The following ZCCHC10 variants were observed in gnomAD, a reference collection of about 807,000 sequenced individuals.
ZCCHC10 encodes the protein zinc finger CCHC domain-containing protein 10.
Under a neutral mutation model 19.5 loss-of-function variants are expected in ZCCHC10, and 16 were observed. That is an observed-to-expected ratio of 0.82 (90% CI 0.56 to 1.25). ZCCHC10 has a LOEUF of 1.25. Ranked by LOEUF, ZCCHC10 falls within the 50% of genes most tolerant of loss-of-function variation. The pLI is 0.00. For missense variants in ZCCHC10, 197 were observed against 201.0 expected (o/e 0.98, Z 0.12); for synonymous variants, 67 against 72.5 (o/e 0.92, Z 0.38).
Position 132,998,261 on chromosome 5 carries a change from T to C in ZCCHC10, c.*322A>G, listed in dbSNP as rs1762543964. ...TGAAAATATGTCTGATACATACCAC[T>C]AACATATATAACAAAGTATGGCATT... On this transcript the variant is annotated 3_prime_UTR_variant, in exon 5 of 5. Coordinates refer to ENST00000509437, the MANE Select transcript of ZCCHC10 (RefSeq NM_001300816.3). 1 of 248,634 alleles carries C rather than the reference T, an allele frequency of 4.0e-6. No individual in the cohort carries two copies. Among genetic ancestry groups the C allele is most frequent in the Non-Finnish European group, 7.9e-6 (1 of 126,448 alleles). The allele number at this position is 248,634 out of a possible 1,614,324, so 15.4% of individuals were successfully genotyped here.
intron 1 of ZCCHC10, 114 bp downstream of exon 1, chr5:133,026,383 T>G: frequency 7.0e-7 from 1 of 1,430,784 alleles, no homozygotes; most frequent in African/African-American, 1.4e-5. Context: ...GCCAGAAGAG[T>G]GTTTGAGAAA....
chr5:133,010,134 T>C (rs1162759135), intron 2 of ZCCHC10, among the ~76,000 whole-genome samples: 1 of 150,662 alleles, frequency 6.6e-6, no homozygotes, highest in Non-Finnish European at 1.5e-5. Flanking sequence ...CTGCAGCCTC[T>C]GCCCCCCAGG....
chr5:132,999,240 A>AT (rs369499940), intron 4 of ZCCHC10, among the ~76,000 whole-genome samples: 91 of 152,236 alleles, frequency 6.0e-4, no homozygotes, highest in African/African-American at 2.0e-3. Context: ...ATTTCATATG[A>AT]TTCCATATAT....
At chr5:133,004,066 T>C (rs1173608946) in intron 3 of ZCCHC10, among the ~76,000 whole-genome samples, 2 of 152,318 alleles carry the variant, frequency 1.3e-5, no homozygotes, top group Non-Finnish European at 2.9e-5. Flanking sequence ...TATAAATAAA[T>C]ATTTCTTCAT....
chr5:133,000,281 T>G, intron 3 of ZCCHC10, 108 bp from the exon 4 acceptor site: 1 of 1,280,544 alleles, frequency 7.8e-7, no homozygotes, highest in Non-Finnish European at 1.1e-6. Flanking sequence ...AGAAAGATTC[T>G]GTGTTTTTAT....
intron 3 of ZCCHC10, among the ~76,000 whole-genome samples, chr5:133,005,978 C>CTTTT (rs760600232): frequency 2.4e-4 from 23 of 97,774 alleles, no homozygotes; most frequent in Non-Finnish European, 3.4e-4. Context: ...GAAGATGCTG[C>CTTTT]TTTTTTTTTT....
chr5:133,020,622 T>TC (rs1764240682), intron 2 of ZCCHC10, among the ~76,000 whole-genome samples: 1 of 124,710 alleles, frequency 8.0e-6, no homozygotes, highest in Non-Finnish European at 1.7e-5. Flanking sequence ...AGCCTGTCTT[T>TC]AAAAAAAAAA....
intron 3 of ZCCHC10, among the ~76,000 whole-genome samples, chr5:133,004,464 G>A (rs558996970): frequency 5.7e-4 from 86 of 152,158 alleles, no homozygotes; most frequent in Non-Finnish European, 5.7e-4. Flanking sequence ...ATGAGCCACC[G>A]CGCCCGGCTT....
At chr5:133,018,675 T>C (rs1171585135) in intron 2 of ZCCHC10, among the ~76,000 whole-genome samples, 1 of 152,190 alleles carries the variant, frequency 6.6e-6, no homozygotes, top group African/African-American at 2.4e-5. Context: ...CCCAAAGTGC[T>C]GGGATTACAG....
intron 3 of ZCCHC10, among the ~76,000 whole-genome samples, chr5:133,002,630 A>T (rs2126551701): frequency 6.6e-6 from 1 of 152,326 alleles, no homozygotes; most frequent in East Asian, 1.9e-4. Context: ...AATATTTGCA[A>T]AGGGCATATT....
At chr5:133,004,211 G>A (rs769958422) in intron 3 of ZCCHC10, among the ~76,000 whole-genome samples, 8 of 145,224 alleles carry the variant, frequency 5.5e-5, no homozygotes, top group African/African-American at 1.8e-4. Flanking sequence ...TTTCGCTCTC[G>A]TTGCCTAGGC....
intron 2 of ZCCHC10, among the ~76,000 whole-genome samples, chr5:133,008,537 C>CA (rs567424776): frequency 0.026 from 2,560 of 98,364 alleles, 114 homozygotes; most frequent in African/African-American, 0.079. Context: ...GACTCCATCT[C>CA]AAAAAAAAAA....
intron 4 of ZCCHC10, 122 bp downstream of exon 4, chr5:133,000,010 A>G (rs765876076): frequency 1.7e-4 from 182 of 1,099,834 alleles, no homozygotes; most frequent in Non-Finnish European, 2.3e-4. Flanking sequence ...GGCCTCCCAA[A>G]GTGCTGGGAT....
At chr5:133,007,014 T>G in intron 2 of ZCCHC10, 94 bp from the exon 3 acceptor site, 1 of 1,225,434 alleles carries the variant, frequency 8.2e-7, no homozygotes, top group South Asian at 1.9e-5. Context: ...AAAATTATGT[T>G]TACTCTTATG....
rs754541867 is a variant in ZCCHC10, at chr5:132,998,634, G to A, written c.528C>T (p.Ser176=). 6.2e-7 allele frequency: 1 copy of A among 1,614,066 alleles called. No individual in the cohort carries two copies. Among genetic ancestry groups the A allele is most frequent in the Non-Finnish European group, 8.5e-7 (1 of 1,180,024 alleles). ...GTTCATCGTCAGAGCTGCTATCTGT[G>A]CTGGTGCTACTGCTACTGGAAGAGC... The part of the protein sequence containing the change: ...DSSSSSSSST[S]TDSSSDDEPP... The change falls in exon 5 of 5, where the codon AGC becomes AGT. Residue 176 remains serine, a synonymous_variant. Transcript: ENST00000509437.
chr5:132,999,215 G>A lies in ZCCHC10; in HGVS notation c.312-365C>T, dbSNP rs188042679. ...TAGGATTACAGGCGTGAGCCACCGC[G>A]CCCAGCCAAAAGCGATTTCATATGA... On this transcript the variant is annotated intron_variant, in intron 4 of 4. Coordinates refer to ENST00000509437, the MANE Select transcript of ZCCHC10 (RefSeq NM_001300816.3). Among the ~76,000 whole-genome samples, 29 of 152,124 alleles carry A rather than the reference G, an allele frequency of 1.9e-4. No homozygotes were observed. The East Asian group carries it at 2.7e-3, about 14-fold the overall frequency.
chr5:133,011,281 C>T (rs891591978), intron 2 of ZCCHC10: 3 of 151,750 alleles, frequency 2.0e-5, no homozygotes, highest in Non-Finnish European at 4.4e-5. Context: ...ATCCTAAAAA[C>T]TACCAAATAC....
chr5:133,002,751 G>A (rs540196227), intron 3 of ZCCHC10, among the ~76,000 whole-genome samples: 7 of 151,744 alleles, frequency 4.6e-5, no homozygotes, highest in East Asian at 1.9e-4. Context: ...GTGGAGGCTC[G>A]TTCTGTCGCC....
At chr5:133,008,360 A>G (rs1218421536) in intron 2 of ZCCHC10, among the ~76,000 whole-genome samples, 1 of 150,518 alleles carries the variant, frequency 6.6e-6, no homozygotes, top group Non-Finnish European at 1.5e-5. Context: ...CAACATGGTG[A>G]AACCCTGTCT....
Sources: gnomAD v4.1 joint callset for allele counts (sites outside exome capture counted in the v4.1 genomes callset) on GRCh38, gnomAD v4.1.1 for gene constraint, MANE v1.5 for transcripts, NCBI Gene and HGNC (gene_info 2026-07-23, HGNC 2026-07-21) for gene names.